HLA-DQA1: variants seen among roughly 807,000 people sequenced by gnomAD.
HLA-DQA1 encodes the protein major histocompatibility complex, class II, DQ alpha 1.
A neutral mutation model predicts 20.7 loss-of-function variants in HLA-DQA1; 10 were observed. The ratio of observed to expected loss-of-function variants is 0.48; its 90% confidence interval spans 0.30 to 0.82. The LOEUF (loss-of-function observed/expected upper bound fraction) is 0.82, where lower values mean the gene tolerates loss of function less well. Among genes scored for constraint, HLA-DQA1 ranks in the 40% least tolerant of loss-of-function variants. The probability of loss-of-function intolerance (pLI) is 0.07; values close to 1 mark genes in which losing one functional copy is unlikely to be tolerated. For missense variants in HLA-DQA1, 127 were observed against 293.0 expected (o/e 0.43, Z 4.14); for synonymous variants, 39 against 109.2 (o/e 0.36, Z 4.01).
chr6:32,651,051 G>A (rs1782162345), downstream of HLA-DQA1, among the ~76,000 whole-genome samples: 2 of 84,134 alleles, frequency 2.4e-5, 1 homozygote, highest in Non-Finnish European at 5.1e-5. Flanking sequence ...ATCACGTCTG[G>A]CTAATTTTTT....
At chr6:32,654,519 A>AAG in the HLA-DQA1 span, among the ~76,000 whole-genome samples, 4 of 92,240 alleles carry the variant, frequency 4.3e-5, no homozygotes, top group Non-Finnish European at 9.6e-5. Context: ...CCTCCCATAT[A>AAG]CTTTAAGCCA....
rs185902422 is a variant in HLA-DQA1 at position 32,637,767 on chromosome 6, T to A, written c.82+227T>A. 1.8e-5 allele frequency among the ~76,000 whole-genome samples: 2 copies of A among 112,308 alleles called. 1 individual carries two copies. Among genetic ancestry groups the A allele is most frequent in the Admixed American group, 2.1e-4 (2 of 9,668 alleles). The allele number at this position is 112,308 out of a possible 152,430, so 73.7% of individuals were successfully genotyped here. A position where few individuals can be genotyped will look rare whatever the true frequency, so the allele number is the denominator to read the frequency against. On this transcript the variant is annotated intron_variant, in intron 1 of 4. Coordinates refer to ENST00000343139, the MANE Select transcript of HLA-DQA1 (RefSeq NM_002122.5). ...TAAGGACGCTATTCTGTTTATATTA[T>A]ATTCAGTGACTACGGCCTGGAGGTC...
At chr6:32,638,955 G>A (rs28383357) in intron 1 of HLA-DQA1, 100,686 of 331,508 alleles carry the variant, frequency 0.3, 31,927 homozygotes, top group Admixed American at 0.48. Context: ...ATGGACAGTG[G>A]GTTTGTAAAA....
At chr6:32,638,735 G>T (rs1781097399) in intron 1 of HLA-DQA1, among the ~76,000 whole-genome samples, 1 of 79,252 alleles carries the variant, frequency 1.3e-5, no homozygotes, top group African/African-American at 4.3e-5. Context: ...AAGGAAGGAA[G>T]GAAAAGAAAA....
intron 2 of HLA-DQA1, 25 bp downstream of exon 2, chr6:32,641,583 C>T (rs1368743196): frequency 2.1e-6 from 2 of 970,602 alleles, no homozygotes; most frequent in Non-Finnish European, 2.9e-6. Context: ...TTCTGCCTCT[C>T]TTTACTTAAG....
At chr6:32,644,452 C>T (rs1182895012), downstream of HLA-DQA1, 3 of 151,976 alleles carry the variant, frequency 2.0e-5, no homozygotes, top group African/African-American at 4.8e-5. Context: ...CATTTCTGGC[C>T]TTACTTTTCT....
In HLA-DQA1 at chr6:32,641,315, C is replaced by T. The variant is rs1781383514; in HGVS notation, c.88C>T (p.His30Tyr). The T allele has an allele frequency of 7.9e-7, 1 of 1,259,044 alleles. No homozygotes were observed. The highest frequency in any genetic ancestry group is 1.1e-6 in the Non-Finnish European group (1 of 908,454). The allele number at this position is 1,259,044 out of a possible 1,614,324, so 78.0% of individuals were successfully genotyped here. A position where few individuals can be genotyped will look rare whatever the true frequency, so the allele number is the denominator to read the frequency against. The change falls in exon 2 of 5, where the codon CAC becomes TAC. Residue 30 changes from histidine (H) to tyrosine (Y), a missense_variant. Around this residue, in one of 4 missense-constraint regions of HLA-DQA1, gnomAD observed 36 missense variants for 44.8 expected, o/e 0.80. Coordinates refer to ENST00000343139, the MANE Select transcript of HLA-DQA1 (RefSeq NM_002122.5). The part of the protein sequence containing the change: ...PCGGEDIVAD[H>Y]VASCGVNLYQ... The stretch of plus-strand genomic sequence containing the variant: ...TTGTCATCTTCACTCATCAGCTGAC[C>T]ACGTTGCCTCTTGTGGTGTAAACTT...
At position 32,642,687 on chromosome 6, in the gene HLA-DQA1, G is replaced by T. The variant is rs41545416; in HGVS notation, c.691G>T (p.Gly231Cys). 1.4e-5 allele frequency: 17 copies of T among 1,233,032 alleles called. No homozygotes were observed. In the East Asian group the frequency reaches 5.1e-4, roughly 37 times the overall value. The allele number at this position is 1,233,032 out of a possible 1,614,324, so 76.4% of individuals were successfully genotyped here. A position where few individuals can be genotyped will look rare whatever the true frequency, so the allele number is the denominator to read the frequency against. Residue 231 changes from glycine to cysteine, a missense_variant, in exon 4 of 5, where the codon GGC becomes TGC. Coordinates refer to ENST00000343139, the MANE Select transcript of HLA-DQA1 (RefSeq NM_002122.5). ...CCTGGGGTTGTCTGTGGGCCTCATGGGCATTGTGGTGGGCACTGTCTTCAT... is the reference window on the plus strand; with the variant it reads ...CCTGGGGTTGTCTGTGGGCCTCATGTGCATTGTGGTGGGCACTGTCTTCAT... ...CALGLSVGLM[G>C]IVVGTVFIIQ... is the part of the protein sequence containing the mutation.
chr6:32,640,341 T>C (rs1207487714), intron 1 of HLA-DQA1, among the ~76,000 whole-genome samples: 1 of 100,946 alleles, frequency 9.9e-6, no homozygotes, highest in Non-Finnish European at 2.2e-5. Context: ...CACTTGTGGA[T>C]GCTCAGAAAG....
At chr6:32,651,643 A>G (rs1315058973), downstream of HLA-DQA1, among the ~76,000 whole-genome samples, 9 of 89,936 alleles carry the variant, frequency 1.0e-4, 4 homozygotes, top group Non-Finnish European at 1.7e-4. Flanking sequence ...AAGCTAAAAC[A>G]GAGAATAGAC....
rs9272840 is a variant in HLA-DQA1, at chr6:32,642,906, C to G, written c.*21-46C>G. 3 of 685,014 alleles carry G rather than the reference C, an allele frequency of 4.4e-6. 1 individual carries two copies. Among genetic ancestry groups the G allele is most frequent in the East Asian group, 3.2e-5 (1 of 30,820 alleles). The allele number at this position is 685,014 out of a possible 1,614,324, so 42.4% of individuals were successfully genotyped here. On this transcript the variant is annotated intron_variant, in intron 4 of 4. Coordinates refer to ENST00000343139, the MANE Select transcript of HLA-DQA1 (RefSeq NM_002122.5). ...ATTGGGAAGTGGCATGATGATGACACAGGAGCCCCCTCGGACCCATTGATC... is the reference window on the plus strand; with the variant it reads ...ATTGGGAAGTGGCATGATGATGACAGAGGAGCCCCCTCGGACCCATTGATC...
At position 32,642,436 on chromosome 6, in the gene HLA-DQA1, C is replaced by G. The variant is rs150170123; in HGVS notation, c.614-174C>G. On this transcript the variant is annotated intron_variant, in intron 3 of 4. Transcript: ENST00000343139. ...GATTTATTGAAAATGAAAGTACACT[C>G]TACAGGATGGGAGTGGGCCTGCCAC... 19 of 638,942 alleles carry G rather than the reference C, an allele frequency of 3.0e-5. 2 individuals are homozygous for G. The highest frequency in any genetic ancestry group is 4.9e-5 in the Non-Finnish European group (19 of 384,926). 39.6% of individuals were successfully genotyped at this position (638,942 alleles called of 1,614,324 possible).
the HLA-DQA1 span, among the ~76,000 whole-genome samples, chr6:32,652,776 G>T: frequency 6.6e-6 from 1 of 150,992 alleles, no homozygotes; most frequent in South Asian, 2.1e-4. Context: ...AAGAGACATT[G>T]CCCATAGTTA....
chr6:32,638,241 TTTC>T (rs151021896), intron 1 of HLA-DQA1, among the ~76,000 whole-genome samples: 10,682 of 104,798 alleles, frequency 0.1, 1,313 homozygotes, highest in East Asian at 0.2. Flanking sequence ...TAGCTTCACA[TTTC>T]TTTTCTTTAG....
At chr6:32,646,630 A>G (rs9273275), downstream of HLA-DQA1, 25 of 43,242 alleles carry the variant, frequency 5.8e-4, 2 homozygotes, top group East Asian at 2.5e-3. Context: ...GTTTGTACCT[A>G]CCACATTTAA....
chr6:32,640,586 C>A, intron 1 of HLA-DQA1, among the ~76,000 whole-genome samples: 1 of 101,728 alleles, frequency 9.8e-6, no homozygotes, highest in Non-Finnish European at 2.2e-5. Flanking sequence ...GGGGGAATGA[C>A]AGAAATCCAA....
intron 1 of HLA-DQA1, among the ~76,000 whole-genome samples, chr6:32,637,744 A>G (rs1780992021): frequency 9.3e-6 from 1 of 107,340 alleles, no homozygotes; most frequent in African/African-American, 3.3e-5. Context: ...GTGTTCACTA[A>G]GGACGCTATT....
rs1781659407 is a variant in HLA-DQA1, at chr6:32,643,588, A to G, written c.*657A>G. 6.5e-6 allele frequency: 1 copy of G among 153,798 alleles called. No homozygotes were observed. The highest frequency in any genetic ancestry group is 6.6e-5 in the Admixed American group (1 of 15,230). 9.5% of individuals were successfully genotyped at this position (153,798 alleles called of 1,614,324 possible). ...AGAACCAAAAAATAAGTCTGTACTA[A>G]TTTCAATGTGGCTTTTAAAAGTATG... On this transcript the variant is annotated 3_prime_UTR_variant, in exon 5 of 5. Coordinates refer to ENST00000343139, the MANE Select transcript of HLA-DQA1 (RefSeq NM_002122.5).
In HLA-DQA1 at chr6:32,642,488, A is replaced by G; in HGVS notation, c.614-122A>G. ...TCATGGTTTTCTAATGATAGACTTC[A>G]CTCTTCTCCCTAAGCCTGGGGCCTT... On this transcript the variant is annotated intron_variant, in intron 3 of 4. Transcript: ENST00000343139. 3 of 811,006 alleles carry G rather than the reference A, an allele frequency of 3.7e-6. 1 individual carries two copies. Among genetic ancestry groups the G allele is most frequent in the Non-Finnish European group, 2.0e-6 (1 of 507,876 alleles). The allele number at this position is 811,006 out of a possible 1,614,324, so 50.2% of individuals were successfully genotyped here. A position where few individuals can be genotyped will look rare whatever the true frequency, so the allele number is the denominator to read the frequency against.
Sources: gnomAD v4.1 joint callset for allele counts (sites outside exome capture counted in the v4.1 genomes callset) on GRCh38, gnomAD v4.1.1 for gene constraint, gnomAD v4.1.1 regional missense constraint, MANE v1.5 for transcripts, NCBI Gene and HGNC (gene_info 2026-07-23, HGNC 2026-07-21) for gene names.